The following XYLB variants were observed in gnomAD, a reference collection of about 807,000 sequenced individuals.
XYLB encodes xylulokinase, also known as xylulose kinase.
Under a neutral mutation model 78.7 loss-of-function variants are expected in XYLB, and 62 were observed. The ratio of observed to expected loss-of-function variants is 0.79; its 90% CI spans 0.64 to 0.97. XYLB has a LOEUF of 0.97. Ranked by LOEUF, XYLB falls within the 50% of genes least tolerant of loss-of-function variation. XYLB has a pLI of 0.00. For synonymous variants in XYLB, 245 were observed against 247.4 expected (o/e 0.99, Z 0.09); for missense variants, 687 against 676.8 (o/e 1.02, Z -0.17).
chr3:38,447,133 AAAG>A, the XYLB span, among the ~76,000 whole-genome samples: 4 of 152,336 alleles, frequency 2.6e-5, no homozygotes, highest in East Asian at 7.7e-4. Flanking sequence ...GACATTTTGA[AAAG>A]AAGACATATA....
chr3:38,384,295 A>T (rs1707284698), intron 15 of XYLB, among the ~76,000 whole-genome samples: 2 of 152,058 alleles, frequency 1.3e-5, no homozygotes, highest in South Asian at 4.1e-4. Context: ...CGAACTTCTG[A>T]CCTCAAATGA....
Position 38,397,146 on chromosome 3 carries a change from C to T in XYLB, c.1425C>T (p.Tyr475=), listed in dbSNP as rs1437545811. 2 of 1,614,040 alleles carry T rather than the reference C, an allele frequency of 1.2e-6. No homozygotes were observed. The highest frequency in any genetic ancestry group is 1.7e-6 in the Non-Finnish European group (2 of 1,180,002). ...TANSACVGSA[Y]RAFHGLAGGT... The stretch of plus-strand genomic sequence containing the variant: ...ACTCGGCCTGTGTGGGTTCTGCATA[C>T]CGAGCTTTTCATGGTAGGTTGATGG... Residue 475 remains tyrosine (Y), a synonymous_variant, in exon 17 of 19, where the codon TAC becomes TAT. Coordinates refer to ENST00000207870, the MANE Select transcript of XYLB (RefSeq NM_005108.4).
the XYLB span, among the ~76,000 whole-genome samples, chr3:38,444,285 A>G: frequency 6.6e-6 from 1 of 152,286 alleles, no homozygotes; most frequent in African/African-American, 2.4e-5. Flanking sequence ...CTCCCCCTAC[A>G]GTTTGAATGG....
At chr3:38,440,689 G>T in the XYLB span, among the ~76,000 whole-genome samples, 3 of 152,234 alleles carry the variant, frequency 2.0e-5, no homozygotes, top group South Asian at 6.2e-4. Flanking sequence ...ACAACAAGGT[G>T]GTATTGGAGT....
At chr3:38,442,309 C>T in the XYLB span, among the ~76,000 whole-genome samples, 1 of 152,312 alleles carries the variant, frequency 6.6e-6, no homozygotes, top group East Asian at 1.9e-4. Context: ...TGGCATGAGG[C>T]TTCTGAACTG....
chr3:38,429,256 T>C, the XYLB span, among the ~76,000 whole-genome samples: 1 of 152,226 alleles, frequency 6.6e-6, no homozygotes, highest in African/African-American at 2.4e-5. Flanking sequence ...GTCACCTTCC[T>C]TCTACAGGTA....
the XYLB span, among the ~76,000 whole-genome samples, chr3:38,438,238 T>A: frequency 4.6e-5 from 7 of 150,850 alleles, no homozygotes; most frequent in African/African-American, 1.2e-4. Context: ...ATTTTTTTTT[T>A]AAAGGCAATC....
intron 6 of XYLB, 81 bp from the exon 7 acceptor site, chr3:38,366,727 C>T: frequency 1.0e-6 from 1 of 970,516 alleles, no homozygotes; most frequent in Non-Finnish European, 1.7e-6. Context: ...CCAGAGCATG[C>T]TACATTAAAC....
At chr3:38,439,188 G>A in the XYLB span, among the ~76,000 whole-genome samples, 1,067 of 152,276 alleles carry the variant, frequency 7.0e-3, 8 homozygotes, top group African/African-American at 0.025. Context: ...GGATAGGGGC[G>A]AAGAAGGGCC....
At chr3:38,418,136 A>C (rs144176647), downstream of XYLB, among the ~76,000 whole-genome samples, 156 of 149,838 alleles carry the variant, frequency 1.0e-3, 2 homozygotes, top group East Asian at 0.016. Flanking sequence ...TGGAAGTTGC[A>C]GTAAGCTGAG....
intron 7 of XYLB, among the ~76,000 whole-genome samples, chr3:38,367,856 G>A (rs1706345960): frequency 6.6e-6 from 1 of 152,176 alleles, no homozygotes; most frequent in Non-Finnish European, 1.5e-5. Flanking sequence ...GGAAATCAGG[G>A]CACACATTCC....
rs137978853 is a variant in XYLB at position 38,385,353 on chromosome 3, T to C, written c.1291+6011T>C. Among the ~76,000 whole-genome samples the C allele has an allele frequency of 1.0e-2, 1,523 of 152,310 alleles. 15 individuals carry two copies. The highest frequency in any genetic ancestry group is 0.089 in the Middle Eastern group (26 of 292). On this transcript the variant is annotated intron_variant, in intron 15 of 18. Transcript: ENST00000207870. ...TTCTTGTTTGTGTATTTTTTTTCCC[T>C]TGAGCATGTTAGCTAAAGGTTGGTA...
In XYLB at chr3:38,400,134, C is replaced by A. The variant is rs73063244; in HGVS notation, c.1439-757C>A. ...CCTAGAAATTGCTCATTGTTTCTTG[C>A]CCACCAATGGCAACCTTCCCCCTGC... On this transcript the variant is annotated intron_variant, in intron 17 of 18. Coordinates refer to ENST00000207870, the MANE Select transcript of XYLB (RefSeq NM_005108.4). 7.1e-3 allele frequency among the ~76,000 whole-genome samples: 1,084 copies of A among 152,266 alleles called. 5 individuals are homozygous for A. Among genetic ancestry groups the A allele is most frequent in the Non-Finnish European group, 0.012 (842 of 68,018 alleles).
chr3:38,373,674 C>T (rs1294389748), intron 10 of XYLB, among the ~76,000 whole-genome samples: 1 of 152,132 alleles, frequency 6.6e-6, no homozygotes. Flanking sequence ...GGTGGGATTC[C>T]TAGATCCAAG....
At chr3:38,356,880 C>T (rs1330651765) in intron 2 of XYLB, 1 of 152,266 alleles carries the variant, frequency 6.6e-6, no homozygotes, top group Admixed American at 6.5e-5. Flanking sequence ...CTCATCATGA[C>T]AGTATATTTG....
chr3:38,371,425 C>T (rs1193791647), intron 9 of XYLB, among the ~76,000 whole-genome samples: 1 of 152,192 alleles, frequency 6.6e-6, no homozygotes, highest in African/African-American at 2.4e-5. Flanking sequence ...AGGTGCCCGC[C>T]ACCACGCCTG....
downstream of XYLB, among the ~76,000 whole-genome samples, chr3:38,415,928 G>T (rs1468749493): frequency 6.6e-6 from 1 of 152,156 alleles, no homozygotes; most frequent in African/African-American, 2.4e-5. Flanking sequence ...TCTTCACATG[G>T]TGGCAAGAAA....
chr3:38,444,835 G>T, the XYLB span, among the ~76,000 whole-genome samples: 1 of 151,916 alleles, frequency 6.6e-6, no homozygotes, highest in Admixed American at 6.6e-5. Context: ...ATCTGCAATG[G>T]TCCCTGGACC....
the XYLB span, among the ~76,000 whole-genome samples, chr3:38,446,491 A>G: frequency 6.6e-6 from 1 of 152,360 alleles, no homozygotes; most frequent in African/African-American, 2.4e-5. Flanking sequence ...ACAAAGCTGG[A>G]GGCATCACAT....
Sources: gnomAD v4.1 joint callset for allele counts (sites outside exome capture counted in the v4.1 genomes callset) on GRCh38, gnomAD v4.1.1 for gene constraint, MANE v1.5 for transcripts, NCBI Gene and HGNC (gene_info 2026-07-23, HGNC 2026-07-21) for gene names.